The following SDK1 variants were observed in gnomAD, a reference collection of about 807,000 sequenced individuals.
The protein encoded by SDK1 is sidekick cell adhesion molecule 1.
SDK1 carries 157 observed loss-of-function variants against 245.5 expected under a neutral mutation model. The ratio of observed to expected loss-of-function variants is 0.64; its 90% confidence interval spans 0.56 to 0.73. The LOEUF is 0.73. Ranked by LOEUF, SDK1 falls within the 30% of genes least tolerant of loss-of-function variation. The probability of loss-of-function intolerance (pLI) is 0.00; values close to 1 mark genes in which losing one functional copy is unlikely to be tolerated. For synonymous variants in SDK1, 1,647 were observed against 1,278.5 expected (o/e 1.29, Z -6.15); for missense variants, 3,583 against 3,002.3 (o/e 1.19, Z -4.52).
rs541504785 is a variant in SDK1 at position 4,268,360 on chromosome 7, C to T, written c.*2976C>T. The T allele has an allele frequency of 1.8e-4, 190 of 1,056,186 alleles. 2 individuals carry two copies. The South Asian group carries it at 4.3e-3, about 24-fold the overall frequency. 65.4% of individuals were successfully genotyped at this position (1,056,186 alleles called of 1,614,324 possible). ...AGAGAGCTGCCAGGCCACACCCCCT[C>T]GGCCTCCTGCACGGCCACCTTCTGG... On this transcript the variant is annotated 3_prime_UTR_variant, in exon 45 of 45. Transcript: ENST00000404826.
rs776246987 is a variant in SDK1 at position 4,268,415 on chromosome 7, C to G, written c.*3031C>G. ...ATCGGTCCAGCCCAAGCCCCTCTCC[C>G]CAGCCTCGCCTTCAGCCTCTCTCCC... is the stretch of plus-strand genomic sequence containing the variant. On this transcript the variant is annotated 3_prime_UTR_variant, in exon 45 of 45. Transcript: ENST00000404826. The G allele has an allele frequency of 3.6e-6, 4 of 1,121,062 alleles. No homozygotes were observed. The highest frequency in any genetic ancestry group is 4.4e-6 in the Non-Finnish European group (4 of 905,082). The allele number at this position is 1,121,062 out of a possible 1,614,324, so 69.4% of individuals were successfully genotyped here.
At position 3,926,203 on chromosome 7, in the gene SDK1, A is replaced by G. The variant is rs554200499; in HGVS notation, c.848-24720A>G. On this transcript the variant is annotated intron_variant, in intron 5 of 44. Transcript: ENST00000404826. ...GGCATGGCTTTGGTGCTGAGCCTCT[A>G]GATGGTACAGACAGGCATCAGGGAC... Among the ~76,000 whole-genome samples, 8 of 152,300 alleles carry G rather than the reference A, an allele frequency of 5.3e-5. No individual in the cohort carries two copies. In the South Asian group the frequency reaches 1.7e-3, roughly 32 times the overall value.
At chr7:3,860,876 A>T (rs934316405) in intron 5 of SDK1, among the ~76,000 whole-genome samples, 1 of 152,202 alleles carries the variant, frequency 6.6e-6, no homozygotes, top group East Asian at 1.9e-4. Context: ...GACCAAAAAA[A>T]CTTGATCAGC....
intron 4 of SDK1, among the ~76,000 whole-genome samples, chr7:3,704,407 G>A (rs372010628): frequency 2.6e-5 from 4 of 151,400 alleles, no homozygotes; most frequent in African/African-American, 9.7e-5. Context: ...TCTTGCAGGA[G>A]TAAGGTGGCA....
intron 4 of SDK1, among the ~76,000 whole-genome samples, chr7:3,782,582 G>T (rs561331017): frequency 6.6e-6 from 1 of 152,040 alleles, no homozygotes; most frequent in Non-Finnish European, 1.5e-5. Flanking sequence ...GAAACACTTC[G>T]TATACAAAGG....
chr7:3,640,909 C>A (rs1289559855), intron 3 of SDK1, among the ~76,000 whole-genome samples: 2 of 151,998 alleles, frequency 1.3e-5, no homozygotes, highest in Non-Finnish European at 2.9e-5. Flanking sequence ...GTGTCAAATT[C>A]CTGACCTCGT....
intron 4 of SDK1, among the ~76,000 whole-genome samples, chr7:3,766,600 A>G (rs1562427858): frequency 6.6e-6 from 1 of 152,198 alleles, no homozygotes; most frequent in Non-Finnish European, 1.5e-5. Context: ...TTTAGTAAGG[A>G]TTTAGTAAAT....
At chr7:3,731,134 C>A (rs1386630866) in intron 4 of SDK1, among the ~76,000 whole-genome samples, 2 of 152,198 alleles carry the variant, frequency 1.3e-5, no homozygotes, top group South Asian at 4.1e-4. Flanking sequence ...TGCACTCACT[C>A]ATGCATCCAT....
In SDK1 at chr7:4,237,630, C is replaced by T. The variant is rs769091848; in HGVS notation, c.5993-17C>T. 6.2e-7 allele frequency: 1 copy of T among 1,614,130 alleles called. No homozygotes were observed. Among genetic ancestry groups the T allele is most frequent in the East Asian group, 2.2e-5 (1 of 44,888 alleles). On this transcript the variant is annotated splice_polypyrimidine_tract_variant and intron_variant, in intron 41 of 44. Coordinates refer to ENST00000404826, the MANE Select transcript of SDK1 (RefSeq NM_152744.4). ...GCGTCTGCCCCATGTCATTGTGTGT[C>T]CGTGTCTTTTCCACAGCTCAAGTGG...
chr7:3,500,251 C>A (rs886995608), intron 1 of SDK1, among the ~76,000 whole-genome samples: 1 of 152,172 alleles, frequency 6.6e-6, no homozygotes, highest in Admixed American at 6.5e-5. Flanking sequence ...CTTATTTGTA[C>A]TGAGTCTCCT....
intron 4 of SDK1, among the ~76,000 whole-genome samples, chr7:3,654,091 CGTGGGAGGAA>C (rs1562633096): frequency 6.6e-6 from 1 of 152,120 alleles, no homozygotes; most frequent in African/African-American, 2.4e-5. Context: ...TTAGAGAGGA[CGTGGGAGGAA>C]GGACCCTGGT....
intron 4 of SDK1, among the ~76,000 whole-genome samples, chr7:3,795,602 A>T (rs11983236): frequency 1.3e-5 from 2 of 152,048 alleles, no homozygotes; most frequent in Non-Finnish European, 2.9e-5. Context: ...TCCAGCTGGC[A>T]TTCTCTTTCT....
At chr7:4,120,261 C>T (rs1783972011) in intron 25 of SDK1, among the ~76,000 whole-genome samples, 1 of 148,972 alleles carries the variant, frequency 6.7e-6, no homozygotes, top group Non-Finnish European at 1.5e-5. Flanking sequence ...GCATTATTTA[C>T]AAGACTGAAG....
chr7:3,967,268 G>A (rs755588006), intron 9 of SDK1, 50 bp from the exon 10 acceptor site: 7 of 1,420,816 alleles, frequency 4.9e-6, no homozygotes, highest in Non-Finnish European at 7.0e-6. Context: ...AGGCTGATGT[G>A]AGCCTCTCAG....
At chr7:4,214,075 A>C (rs929448973) in intron 38 of SDK1, among the ~76,000 whole-genome samples, 1 of 152,142 alleles carries the variant, frequency 6.6e-6, no homozygotes. Flanking sequence ...CCGCAGACAG[A>C]GAGATTGGGC....
chr7:4,104,360 C>G (rs946741054), intron 22 of SDK1, among the ~76,000 whole-genome samples: 1 of 152,196 alleles, frequency 6.6e-6, no homozygotes, highest in Non-Finnish European at 1.5e-5. Flanking sequence ...TGAACCTGGC[C>G]TAGAGCCTGC....
intron 1 of SDK1, among the ~76,000 whole-genome samples, chr7:3,592,694 T>TG (rs1250579817): frequency 7.2e-5 from 11 of 152,164 alleles, no homozygotes; most frequent in African/African-American, 2.7e-4. Flanking sequence ...TGATGAAGCG[T>TG]GGGGACTCGC....
intron 1 of SDK1, among the ~76,000 whole-genome samples, chr7:3,485,974 C>G (rs1781682455): frequency 6.6e-6 from 1 of 151,458 alleles, no homozygotes; most frequent in Admixed American, 6.6e-5. Flanking sequence ...GCTTTTAGGA[C>G]ACTATTAGGA....
chr7:3,698,171 A>G (rs745629730), intron 4 of SDK1, among the ~76,000 whole-genome samples: 6 of 152,168 alleles, frequency 3.9e-5, no homozygotes, highest in Non-Finnish European at 1.5e-5. Flanking sequence ...CTTTTGGACA[A>G]TAACCACTCT....
Sources: allele counts gnomAD v4.1 joint callset (sites outside exome capture counted in the v4.1 genomes callset), GRCh38; gene constraint gnomAD v4.1.1; transcripts MANE v1.5; gene names NCBI Gene and HGNC (gene_info 2026-07-23, HGNC 2026-07-21).